The following STK32B variants were observed in gnomAD, a reference collection of about 807,000 sequenced individuals.
STK32B encodes serine/threonine-protein kinase 32B.
A neutral mutation model predicts 52.6 loss-of-function variants in STK32B; 43 were observed. The observed-to-expected ratio is 0.82, with a 90% CI of 0.64 to 1.05. The LOEUF is 1.05. Ranked by LOEUF, STK32B falls within the 50% of genes least tolerant of loss-of-function variation. The pLI, the probability that STK32B is intolerant of heterozygous loss-of-function variation, is 0.00. For missense variants in STK32B, 621 were observed against 534.6 expected (o/e 1.16, Z -1.59); for synonymous variants, 238 against 204.3 (o/e 1.17, Z -1.41).
rs972526596 is a variant in STK32B at position 5,398,873 on chromosome 4, C to G, written c.472+629C>G. 6.6e-6 allele frequency among the ~76,000 whole-genome samples: 1 copy of G among 150,912 alleles called. No homozygotes were observed. The highest frequency in any genetic ancestry group is 2.5e-5 in the African/African-American group (1 of 40,242). Reference sequence around the variant, plus strand: ...TCCCAGGTGGCTGATGCTGCTGGTCCATGGACCACACCTTGAGTAGCAAGG... The same window carrying G: ...TCCCAGGTGGCTGATGCTGCTGGTCGATGGACCACACCTTGAGTAGCAAGG... On this transcript the variant is annotated intron_variant, in intron 5 of 11. Coordinates refer to ENST00000282908, the MANE Select transcript of STK32B (RefSeq NM_018401.3). The surrounding 1 kb of genome is among the most constrained non-coding windows in gnomAD (Gnocchi z 4.9).
At chr4:5,180,935 T>A (rs964685539) in intron 3 of STK32B, among the ~76,000 whole-genome samples, 1 of 152,142 alleles carries the variant, frequency 6.6e-6, no homozygotes, top group Non-Finnish European at 1.5e-5. Context: ...TGTTTTACTC[T>A]CTTGGGTTTA....
chr4:5,448,891 T>C (rs1262678513), intron 7 of STK32B, among the ~76,000 whole-genome samples: 1 of 152,184 alleles, frequency 6.6e-6, no homozygotes, highest in Non-Finnish European at 1.5e-5. Context: ...TGGAAACCGT[T>C]GATTTAGTCA....
At chr4:5,117,202 TC>T (rs1217474947) in intron 1 of STK32B, among the ~76,000 whole-genome samples, 1 of 152,224 alleles carries the variant, frequency 6.6e-6, no homozygotes, top group Non-Finnish European at 1.5e-5. Context: ...AGAGTGAGCA[TC>T]CCTGTCTTGT....
intron 1 of STK32B, among the ~76,000 whole-genome samples, chr4:5,079,163 G>A (rs544694942): frequency 1.3e-5 from 2 of 152,132 alleles, no homozygotes; most frequent in African/African-American, 4.8e-5. Flanking sequence ...AATGTTTAAT[G>A]GCTGCAGAAT....
chr4:5,390,990 G>A (rs28404645), intron 4 of STK32B, among the ~76,000 whole-genome samples: 1,584 of 142,932 alleles, frequency 0.011, 19 homozygotes, highest in South Asian at 0.053. Flanking sequence ...TTTTGAGACG[G>A]AATCTCACTC....
At position 5,159,710 on chromosome 4, in the gene STK32B, T is replaced by TATATATGA. The variant is rs1384912294; in HGVS notation, c.109-8586_109-8579dup. On this transcript the variant is annotated intron_variant, in intron 2 of 11. Coordinates refer to ENST00000282908, the MANE Select transcript of STK32B (RefSeq NM_018401.3). ...GAATATATATGAATATATATGAATA[T>TATATATGA]ATATATGAATGTATATGAATATATA... 3.7e-4 allele frequency among the ~76,000 whole-genome samples: 38 copies of TATATATGA among 102,944 alleles called. 4 individuals are homozygous for TATATATGA. Among genetic ancestry groups the TATATATGA allele is most frequent in the Middle Eastern group, 5.0e-3 (1 of 200 alleles). The allele number at this position is 102,944 out of a possible 152,430, so 67.5% of individuals were successfully genotyped here.
chr4:5,091,680 T>C (rs77269872), intron 1 of STK32B, among the ~76,000 whole-genome samples: 27 of 152,292 alleles, frequency 1.8e-4, no homozygotes, highest in African/African-American at 6.3e-4. Context: ...AAATTAAAGA[T>C]AGAATTACAG....
At chr4:5,279,689 G>T (rs746015505) in intron 3 of STK32B, among the ~76,000 whole-genome samples, 10 of 152,188 alleles carry the variant, frequency 6.6e-5, no homozygotes, top group Admixed American at 2.6e-4. Flanking sequence ...CTCCATGAGG[G>T]CTCCGCCAGG....
At chr4:5,264,628 TA>T (rs550935985) in intron 3 of STK32B, among the ~76,000 whole-genome samples, 288 of 137,298 alleles carry the variant, frequency 2.1e-3, no homozygotes, top group Non-Finnish European at 3.7e-3. Context: ...CTACTAAAAA[TA>T]AAAAAAAAAT....
At chr4:5,080,257 C>T (rs1712336535) in intron 1 of STK32B, among the ~76,000 whole-genome samples, 1 of 152,190 alleles carries the variant, frequency 6.6e-6, no homozygotes, top group African/African-American at 2.4e-5. Flanking sequence ...CCATCGTCTT[C>T]TGCTTTCCCC....
intron 3 of STK32B, among the ~76,000 whole-genome samples, chr4:5,318,643 C>A (rs1439429402): frequency 6.6e-6 from 1 of 151,970 alleles, no homozygotes; most frequent in Non-Finnish European, 1.5e-5. Flanking sequence ...TACTTTCAGA[C>A]AAGGGAACAG....
intron 9 of STK32B, among the ~76,000 whole-genome samples, chr4:5,461,781 T>C (rs1717045763): frequency 6.6e-6 from 1 of 152,200 alleles, no homozygotes; most frequent in South Asian, 2.1e-4. Flanking sequence ...GGCCTGGCCA[T>C]GTGCCGTTCC....
chr4:5,123,342 C>G (rs1372561643), intron 1 of STK32B, among the ~76,000 whole-genome samples: 4 of 152,194 alleles, frequency 2.6e-5, no homozygotes, highest in Admixed American at 6.5e-5. Flanking sequence ...TCCTTGGAGC[C>G]TCATGCAGCC....
At chr4:5,424,568 A>T (rs2526310) in intron 6 of STK32B, among the ~76,000 whole-genome samples, 113,207 of 152,164 alleles carry the variant, frequency 0.74, 43,051 homozygotes, top group African/African-American at 0.89. Context: ...GTGGGTCTCC[A>T]CCCAGCTGAG....
chr4:5,048,203 C>T (rs1741654328), upstream of STK32B, among the ~76,000 whole-genome samples: 1 of 151,976 alleles, frequency 6.6e-6, no homozygotes, highest in Non-Finnish European at 1.5e-5. Flanking sequence ...AATCTTGGCT[C>T]ACCGCAACCT....
chr4:5,227,126 A>G (rs1294132796), intron 3 of STK32B, among the ~76,000 whole-genome samples: 1 of 152,206 alleles, frequency 6.6e-6, no homozygotes, highest in Non-Finnish European at 1.5e-5. Flanking sequence ...TACATAGTTG[A>G]AGAAGTGAGA....
chr4:5,297,303 C>A (rs988107491), intron 3 of STK32B, among the ~76,000 whole-genome samples: 2 of 152,096 alleles, frequency 1.3e-5, no homozygotes. Context: ...CTCTGTATTT[C>A]CTGAATTTGA....
chr4:5,417,260 T>C (rs978787453), intron 6 of STK32B, among the ~76,000 whole-genome samples: 5 of 152,232 alleles, frequency 3.3e-5, no homozygotes, highest in Non-Finnish European at 5.9e-5. Context: ...TTTAACTTGG[T>C]GGTGGTCATT....
At chr4:5,364,008 T>C (rs1259822750) in intron 4 of STK32B, among the ~76,000 whole-genome samples, 1 of 152,088 alleles carries the variant, frequency 6.6e-6, no homozygotes, top group East Asian at 1.9e-4. Flanking sequence ...ATGAGAGATA[T>C]ATTGATCCAT....
Sources: allele counts gnomAD v4.1 joint callset (sites outside exome capture counted in the v4.1 genomes callset), GRCh38; gene constraint gnomAD v4.1.1; non-coding constraint Gnocchi (gnomAD v3.1); transcripts MANE v1.5; gene names NCBI Gene and HGNC (gene_info 2026-07-23, HGNC 2026-07-21).